The following PHF14 variants were observed in gnomAD, a reference collection of about 807,000 sequenced individuals.
PHF14 encodes the protein PHD finger protein 14.
A neutral mutation model predicts 117.9 loss-of-function variants in PHF14; 55 were observed. The observed-to-expected ratio is 0.47, with a 90% confidence interval of 0.38 to 0.58. The LOEUF is 0.58. Among genes scored for constraint, PHF14 ranks in the 20% least tolerant of loss-of-function variants. PHF14 has a pLI of 0.00. For missense variants in PHF14, 978 were observed against 1,122.2 expected, an observed-to-expected ratio of 0.87 and a Z score of 1.84; for synonymous variants, 409 against 368.6, an observed-to-expected ratio of 1.11 and a Z score of -1.26.
rs922899735 is a variant in PHF14 at position 10,973,942 on chromosome 7, C to T, written c.-382C>T. ...CTGAGGCAGCCGCCCTCGCGCTGTG[C>T]AATTTCTGGTCTTTCGTTGCTTCTG... On this transcript the variant is annotated 5_prime_UTR_variant, in exon 1 of 18. Transcript: ENST00000634607. The T allele has an allele frequency of 5.0e-6, 1 of 199,996 alleles. No homozygotes were observed. The highest frequency in any genetic ancestry group is 1.0e-5 in the Non-Finnish European group (1 of 96,478). 12.4% of individuals were successfully genotyped at this position (199,996 alleles called of 1,614,324 possible). A position where few individuals can be genotyped will look rare whatever the true frequency, so the allele number is the denominator to read the frequency against.
chr7:11,008,605 T>TC (rs1194154159), intron 4 of PHF14, among the ~76,000 whole-genome samples: 1 of 152,118 alleles, frequency 6.6e-6, no homozygotes, highest in African/African-American at 2.4e-5. Flanking sequence ...CCCTGTCCCA[T>TC]CCATGGAAAA....
Position 11,051,631 on chromosome 7 carries a change from C to G in PHF14, c.2332C>G (p.Gln778Glu), listed in dbSNP as rs562661963. ...ATGTAGGCAGTGCTCGGAATGTGAC[C>G]AGGCAGGGAGCAGTGACATGGAAGC... ...NSYWQCSECDQAGSSDMEADM... is the reference protein window; with the variant it reads ...NSYWQCSECDEAGSSDMEADM... The change falls in exon 14 of 18, where the codon CAG (glutamine) becomes GAG (glutamate). Residue 778 changes from glutamine to glutamate, a missense_variant. Physicochemically the swap from Gln to Glu is conservative, Grantham distance 29. Around this residue, in one of 7 missense-constraint regions of PHF14, gnomAD observed 17 missense variants for 52.9 expected, o/e 0.32. Transcript: ENST00000634607. The G allele has an allele frequency of 6.2e-7, 1 of 1,611,690 alleles. No homozygotes were observed. The highest frequency in any genetic ancestry group is 2.2e-5 in the East Asian group (1 of 44,774).
At chr7:11,084,599 A>AT (rs1433974255) in intron 16 of PHF14, among the ~76,000 whole-genome samples, 3 of 152,010 alleles carry the variant, frequency 2.0e-5, no homozygotes, top group Non-Finnish European at 4.4e-5. Context: ...TGGATGTATC[A>AT]TAATTTACTG....
At chr7:11,109,973 G>T (rs1470732177) in intron 16 of PHF14, 1 of 151,814 alleles carries the variant, frequency 6.6e-6, no homozygotes, top group African/African-American at 2.4e-5. Context: ...ACATTCATTT[G>T]TGTTTTAAAC....
In PHF14 at chr7:10,990,778, C is replaced by T; in HGVS notation, c.976C>T (p.Leu326=). 1 of 1,583,628 alleles carries T rather than the reference C, an allele frequency of 6.3e-7. No individual in the cohort carries two copies. The part of the protein sequence containing the change: ...MDHILICCVC[L]GDNSEDADEI... ...CCATATTCTGATTTGCTGTGTTTGT[C>T]TGGGAGATAATAGTGAGGACGCTGA... Residue 326 remains leucine, a synonymous_variant, in exon 4 of 18, where the codon CTG becomes TTG. Transcript: ENST00000634607.
chr7:11,133,293 T>A (rs1788134712), intron 17 of PHF14, among the ~76,000 whole-genome samples: 1 of 151,764 alleles, frequency 6.6e-6, no homozygotes, highest in Non-Finnish European at 1.5e-5. Context: ...ACTACCCAAC[T>A]TTAAAACTTA....
In PHF14 at chr7:10,993,214, A is replaced by AATT. The variant is rs909049372; in HGVS notation, c.1045+2386_1045+2388dup. 1.9e-4 allele frequency among the ~76,000 whole-genome samples: 29 copies of AATT among 151,686 alleles called. No homozygotes were observed. The South Asian group carries it at 2.5e-3, about 13-fold the overall frequency. On this transcript the variant is annotated intron_variant, in intron 4 of 17. Transcript: ENST00000634607. ...GTAAAGTTATTTTTTCTTACCAATT[A>AATT]ATTATTATTATTATTATTATTTTTT...
At chr7:11,003,182 G>A (rs895309177) in intron 4 of PHF14, among the ~76,000 whole-genome samples, 2 of 151,828 alleles carry the variant, frequency 1.3e-5, no homozygotes, top group Admixed American at 6.6e-5. Flanking sequence ...CTCGTGGTCC[G>A]CCCGCCTTGG....
chr7:11,016,000 G>T (rs1475076629), intron 5 of PHF14, among the ~76,000 whole-genome samples: 1 of 152,102 alleles, frequency 6.6e-6, no homozygotes, highest in East Asian at 1.9e-4. Context: ...CTGTCAAGTA[G>T]TGGTTACTTC....
At chr7:11,123,508 G>A (rs1382558596) in intron 17 of PHF14, among the ~76,000 whole-genome samples, 2 of 152,116 alleles carry the variant, frequency 1.3e-5, no homozygotes, top group Non-Finnish European at 2.9e-5. Context: ...TTGGCTGGGC[G>A]CAGTGGCTCA....
Position 11,038,763 on chromosome 7 carries a change from T to C in PHF14, c.1984T>C (p.Cys662Arg). The change falls in exon 11 of 18, where the codon TGT becomes CGT. Residue 662 changes from cysteine (C) to arginine (R), a missense_variant. This residue lies in a region of PHF14 where 237 missense variants were observed against 276.4 expected (regional missense o/e 0.86). Coordinates refer to ENST00000634607, the MANE Select transcript of PHF14 (RefSeq NM_001007157.2). ...ACTAATTTGGCTTACTTTGTAGCTA[T>C]GTGAATCTTTAGAAGAACTACAAAA... The part of the protein sequence containing the change: ...EKLHVEYNKL[C>R]ESLEELQNLN... 4.6e-6 allele frequency: 7 copies of C among 1,522,168 alleles called. No individual in the cohort carries two copies. Among genetic ancestry groups the C allele is most frequent in the Non-Finnish European group, 5.4e-6 (6 of 1,108,134 alleles). 94.3% of individuals were successfully genotyped at this position (1,522,168 alleles called of 1,614,324 possible).
chr7:11,040,571 C>CA (rs942056214), intron 11 of PHF14, 101 bp from the exon 12 acceptor site: 9 of 461,714 alleles, frequency 1.9e-5, no homozygotes, highest in African/African-American at 1.8e-4. Context: ...TTCCCCCTAA[C>CA]AATCCTACTA....
intron 16 of PHF14, among the ~76,000 whole-genome samples, chr7:11,071,936 C>G (rs1264704162): frequency 6.6e-6 from 1 of 151,960 alleles, no homozygotes; most frequent in Non-Finnish European, 1.5e-5. Context: ...TATTAAGAGC[C>G]TAGATTCTAT....
chr7:11,098,531 C>A (rs1284621418), intron 16 of PHF14, among the ~76,000 whole-genome samples: 2 of 152,164 alleles, frequency 1.3e-5, no homozygotes, highest in East Asian at 1.9e-4. Flanking sequence ...CTTCCCCCAA[C>A]CTTCTGGCTC....
chr7:11,153,263 C>A (rs1251178494), intron 17 of PHF14, among the ~76,000 whole-genome samples: 1 of 151,864 alleles, frequency 6.6e-6, no homozygotes, highest in Non-Finnish European at 1.5e-5. Flanking sequence ...TTTTAGATAC[C>A]CTTGGGTGAT....
In PHF14 at chr7:11,061,954, T is replaced by C. The variant is rs1237337231; in HGVS notation, c.2533-10T>C. 3.2e-6 allele frequency: 5 copies of C among 1,581,414 alleles called. No individual in the cohort carries two copies. The highest frequency in any genetic ancestry group is 3.7e-5 in the Admixed American group (2 of 54,730). ...TGTTATGTTTTATTTTATTATCCCTTGTATGGCAGGAAAGAGTTCCTAGAG... is the reference window on the plus strand; with the variant it reads ...TGTTATGTTTTATTTTATTATCCCTCGTATGGCAGGAAAGAGTTCCTAGAG... On this transcript the variant is annotated splice_polypyrimidine_tract_variant and intron_variant, in intron 15 of 17. Transcript: ENST00000634607.
At chr7:10,995,440 C>T (rs146403019) in intron 4 of PHF14, among the ~76,000 whole-genome samples, 154 of 152,330 alleles carry the variant, frequency 1.0e-3, no homozygotes, top group African/African-American at 3.5e-3. Context: ...CTTAGCTAGA[C>T]ATAAAGGTTC....
rs574584119 is a variant in PHF14, at chr7:11,032,936, T to G, written c.1456-2704T>G. Among the ~76,000 whole-genome samples, 8 of 152,328 alleles carry G rather than the reference T, an allele frequency of 5.3e-5. 1 individual carries two copies. The highest frequency in any genetic ancestry group is 1.7e-4 in the African/African-American group (7 of 41,582). Reference sequence around the variant, plus strand: ...ATGGATCTTACATACTGGACATAGGTCTTGGTTCAGCAACTTAACCTCTCT... The same window carrying G: ...ATGGATCTTACATACTGGACATAGGGCTTGGTTCAGCAACTTAACCTCTCT... On this transcript the variant is annotated intron_variant, in intron 7 of 17. Transcript: ENST00000634607.
intron 13 of PHF14, among the ~76,000 whole-genome samples, chr7:11,046,877 A>C (rs1340644565): frequency 6.6e-6 from 1 of 151,972 alleles, no homozygotes. Context: ...AAAAAAAAAA[A>C]CTCTGGTGTG....
Sources: gnomAD v4.1 joint callset for allele counts (sites outside exome capture counted in the v4.1 genomes callset) on GRCh38, gnomAD v4.1.1 for gene constraint, gnomAD v4.1.1 regional missense constraint, MANE v1.5 for transcripts, NCBI Gene and HGNC (gene_info 2026-07-23, HGNC 2026-07-21) for gene names.